Variants in ZNF804A observed in about 807,000 individuals in gnomAD.
The protein encoded by ZNF804A is zinc finger protein 804A.
A neutral mutation model predicts 16.5 loss-of-function variants in ZNF804A; 2 were observed. The ratio of observed to expected loss-of-function variants is 0.12; its 90% CI spans 0.05 to 0.38. The LOEUF (loss-of-function observed/expected upper bound fraction) is 0.38. Ranked by LOEUF, ZNF804A falls within the 10% of genes least tolerant of loss-of-function variation. The pLI, the probability that ZNF804A is intolerant of heterozygous loss-of-function variation, is 0.99. For missense variants in ZNF804A, 1,473 were observed against 1,390.7 expected, an observed-to-expected ratio of 1.06 and a Z score of -0.94; for synonymous variants, 534 against 489.6, an observed-to-expected ratio of 1.09 and a Z score of -1.20.
rs551360468 is a variant in ZNF804A, at chr2:184,714,272, C to T, written c.111+115202C>T. On this transcript the variant is annotated intron_variant, in intron 1 of 3. Coordinates refer to ENST00000302277, the MANE Select transcript of ZNF804A (RefSeq NM_194250.2). ...TGTTCATCTTACTCCCTCTGACAAT[C>T]CCAAATCAGCAGAAACAAATTACAT... Among the ~76,000 whole-genome samples the T allele has an allele frequency of 2.0e-5, 3 of 152,112 alleles. No homozygotes were observed. The South Asian group carries it at 6.2e-4, about 32-fold the overall frequency.
At chr2:184,644,738 C>T (rs1353918151) in intron 1 of ZNF804A, among the ~76,000 whole-genome samples, 8 of 151,938 alleles carry the variant, frequency 5.3e-5, no homozygotes, top group Admixed American at 4.6e-4. Flanking sequence ...ACTGATTGCT[C>T]AAAGAGGTTT....
At chr2:184,618,752 G>A (rs1470568156) in intron 1 of ZNF804A, among the ~76,000 whole-genome samples, 1 of 151,966 alleles carries the variant, frequency 6.6e-6, no homozygotes, top group Non-Finnish European at 1.5e-5. Flanking sequence ...TTTGCAGGCT[G>A]TTTATACCTA....
chr2:184,934,210 G>A (rs1196443061), intron 3 of ZNF804A, among the ~76,000 whole-genome samples: 5 of 152,066 alleles, frequency 3.3e-5, no homozygotes, highest in African/African-American at 1.2e-4. Context: ...CATTAAGTGC[G>A]CTGTGAATAA....
intron 1 of ZNF804A, among the ~76,000 whole-genome samples, chr2:184,791,162 G>T (rs1275578303): frequency 6.6e-6 from 1 of 152,018 alleles, no homozygotes; most frequent in Non-Finnish European, 1.5e-5. Context: ...GGGGAATTTA[G>T]GCTATGTGCA....
intron 2 of ZNF804A, among the ~76,000 whole-genome samples, chr2:184,880,945 A>T (rs1192346543): frequency 6.6e-6 from 1 of 152,122 alleles, no homozygotes; most frequent in Non-Finnish European, 1.5e-5. Flanking sequence ...TGATGAATTC[A>T]GAATATGGAA....
At chr2:184,931,103 C>A (rs192185249) in intron 2 of ZNF804A, among the ~76,000 whole-genome samples, 47 of 152,286 alleles carry the variant, frequency 3.1e-4, no homozygotes, top group African/African-American at 1.1e-3. Flanking sequence ...TAGAACAGCA[C>A]GGGAAAGACC....
At chr2:184,762,887 A>G (rs963853909) in intron 1 of ZNF804A, among the ~76,000 whole-genome samples, 1 of 152,158 alleles carries the variant, frequency 6.6e-6, no homozygotes, top group Non-Finnish European at 1.5e-5. Flanking sequence ...ATAATTTAAG[A>G]GCTTATAGTT....
At chr2:184,732,252 A>ATT (rs35367367) in intron 1 of ZNF804A, among the ~76,000 whole-genome samples, 16,757 of 149,064 alleles carry the variant, frequency 0.11, 1,513 homozygotes, top group East Asian at 0.36. Flanking sequence ...GTTTAAACTC[A>ATT]TTTTTTTTTT....
At chr2:184,780,234 G>T (rs997805483) in intron 1 of ZNF804A, among the ~76,000 whole-genome samples, 2 of 151,728 alleles carry the variant, frequency 1.3e-5, no homozygotes, top group African/African-American at 4.8e-5. Flanking sequence ...CAGCCAAAAG[G>T]CATGTTGATG....
intron 1 of ZNF804A, among the ~76,000 whole-genome samples, chr2:184,760,202 G>T (rs1276086643): frequency 2.0e-5 from 3 of 152,044 alleles, no homozygotes; most frequent in Non-Finnish European, 1.5e-5. Flanking sequence ...CTTGGCTTGG[G>T]CTCAGAGGCC....
chr2:184,920,742 G>A (rs1010472149), intron 2 of ZNF804A, among the ~76,000 whole-genome samples: 3 of 152,174 alleles, frequency 2.0e-5, no homozygotes, highest in Non-Finnish European at 4.4e-5. Context: ...AGAAACTGCT[G>A]GCAGCCTCTA....
In ZNF804A at chr2:184,937,200, TTA is replaced by T; in HGVS notation, c.1806_1807del (p.Cys603SerfsTer22). The T allele has an allele frequency of 6.3e-7, 1 of 1,599,096 alleles. No homozygotes were observed. The highest frequency in any genetic ancestry group is 8.5e-7 in the Non-Finnish European group (1 of 1,176,528). On this transcript the variant is annotated frameshift_variant, in exon 4 of 4. Transcript: ENST00000302277. LOFTEE classifies it low-confidence loss of function (END_TRUNC). Reference protein sequence around the residue: ...KSRRKKKRKKLCQHHHMEKTK... With the variant: ...KSRRKKKRKKXCQHHHMEKTK... The stretch of plus-strand genomic sequence containing the variant: ...TAGAAGAAAGAAAAAAAGAAAAAAG[TTA>T]TGTCAGCATCATCATATGGAGAAAA...
chr2:184,626,391 T>G (rs1188538567), intron 1 of ZNF804A, among the ~76,000 whole-genome samples: 3 of 152,192 alleles, frequency 2.0e-5, no homozygotes, highest in African/African-American at 7.2e-5. Context: ...GAATTTATGC[T>G]TTTGGAATTT....
At chr2:184,867,140 A>G (rs1695889086) in intron 2 of ZNF804A, among the ~76,000 whole-genome samples, 1 of 151,982 alleles carries the variant, frequency 6.6e-6, no homozygotes, top group South Asian at 2.1e-4. Context: ...AGATTTTTCA[A>G]CACTCTATGT....
chr2:184,793,115 T>C (rs552635907), intron 1 of ZNF804A, among the ~76,000 whole-genome samples: 24 of 152,294 alleles, frequency 1.6e-4, no homozygotes, highest in African/African-American at 5.5e-4. Flanking sequence ...CTTCTTTTTT[T>C]GTGGCTGCAT....
intron 1 of ZNF804A, among the ~76,000 whole-genome samples, chr2:184,851,976 G>A (rs183289275): frequency 7.9e-5 from 12 of 151,746 alleles, no homozygotes; most frequent in East Asian, 5.8e-4. Flanking sequence ...TGGGGCATTC[G>A]TATGTCTTCT....
intron 1 of ZNF804A, among the ~76,000 whole-genome samples, chr2:184,652,809 G>A (rs1692010926): frequency 6.6e-6 from 1 of 151,488 alleles, no homozygotes; most frequent in South Asian, 2.1e-4. Flanking sequence ...AGATTATGGG[G>A]GCAGTTCCCC....
intron 1 of ZNF804A, among the ~76,000 whole-genome samples, chr2:184,737,913 C>T (rs1693654942): frequency 6.6e-6 from 1 of 152,038 alleles, no homozygotes; most frequent in Non-Finnish European, 1.5e-5. Context: ...CACCTGAGGT[C>T]GGGAGTTTGA....
chr2:184,806,891 A>G (rs1443647342), intron 1 of ZNF804A, among the ~76,000 whole-genome samples: 3 of 151,852 alleles, frequency 2.0e-5, no homozygotes, highest in Non-Finnish European at 4.4e-5. Flanking sequence ...TAAGTATATT[A>G]AAGTCTTTAT....
Sources: gnomAD v4.1 joint callset for allele counts (sites outside exome capture counted in the v4.1 genomes callset) on GRCh38, gnomAD v4.1.1 for gene constraint, MANE v1.5 for transcripts, NCBI Gene and HGNC (gene_info 2026-07-23, HGNC 2026-07-21) for gene names.